Variants in RBMS1 observed in about 807,000 individuals in gnomAD.
RBMS1 encodes the protein RNA-binding motif, single-stranded-interacting protein 1.
A neutral mutation model predicts 62.3 loss-of-function variants in RBMS1; 17 were observed. The ratio of observed to expected loss-of-function variants is 0.27; its 90% CI spans 0.19 to 0.41. The LOEUF is 0.41. Among genes scored for constraint, RBMS1 ranks in the 10% least tolerant of loss-of-function variants. The pLI is 1.00. For synonymous variants in RBMS1, 172 were observed against 170.0 expected (o/e 1.01, Z -0.09); for missense variants, 334 against 504.5 (o/e 0.66, Z 3.24).
chr2:160,403,223 T>C (rs1487808262), intron 1 of RBMS1, among the ~76,000 whole-genome samples: 1 of 152,202 alleles, frequency 6.6e-6, no homozygotes, highest in Non-Finnish European at 1.5e-5. Flanking sequence ...AACATAAAAA[T>C]GGGCCAATAC....
At chr2:160,318,908 C>CAAGAATATAATGAAG (rs1356729103) in intron 2 of RBMS1, among the ~76,000 whole-genome samples, 12 of 151,988 alleles carry the variant, frequency 7.9e-5, no homozygotes, top group African/African-American at 2.9e-4. Context: ...AACGGACAAT[C>CAAGAATATAATGAAG]AAGAATATAA....
chr2:160,413,329 A>G (rs769841012), intron 1 of RBMS1, among the ~76,000 whole-genome samples: 15 of 151,524 alleles, frequency 9.9e-5, no homozygotes, highest in Non-Finnish European at 1.6e-4. Context: ...TCTGGCTCCC[A>G]GCAAAACAGG....
intron 1 of RBMS1, among the ~76,000 whole-genome samples, chr2:160,401,537 CA>C (rs752398025): frequency 1.3e-5 from 2 of 152,150 alleles, no homozygotes; most frequent in South Asian, 2.1e-4. Flanking sequence ...GCATTCTGTA[CA>C]GATGCGAGTT....
chr2:160,393,182 C>T (rs1379869301), intron 1 of RBMS1, among the ~76,000 whole-genome samples: 1 of 152,070 alleles, frequency 6.6e-6, no homozygotes, highest in East Asian at 1.9e-4. Context: ...TGTTTCTATA[C>T]AGGAAACAAA....
chr2:160,277,508 A>C, intron 11 of RBMS1, 125 bp from the exon 12 acceptor site: 1 of 660,178 alleles, frequency 1.5e-6, no homozygotes, highest in Non-Finnish European at 2.7e-6. Flanking sequence ...AATGGGCTAC[A>C]CCTCAAAGCT....
At chr2:160,373,946 G>A (rs1693863858) in intron 1 of RBMS1, among the ~76,000 whole-genome samples, 1 of 152,108 alleles carries the variant, frequency 6.6e-6, no homozygotes, top group Non-Finnish European at 1.5e-5. Flanking sequence ...CACAGAGGGG[G>A]TGGATGGCTG....
At chr2:160,282,027 G>A (rs1210113622) in intron 9 of RBMS1, 1 of 334,334 alleles carries the variant, frequency 3.0e-6, no homozygotes, top group African/African-American at 2.2e-5. Context: ...GTGAGAGTCA[G>A]GTTTTGTGGC....
chr2:160,354,655 T>C (rs908708574), intron 2 of RBMS1, among the ~76,000 whole-genome samples: 4 of 152,132 alleles, frequency 2.6e-5, no homozygotes, highest in African/African-American at 9.6e-5. Context: ...AATCTGGAAA[T>C]CTAAAGCTGT....
chr2:160,368,276 C>T (rs977855362), intron 1 of RBMS1, among the ~76,000 whole-genome samples: 5 of 152,190 alleles, frequency 3.3e-5, no homozygotes, highest in African/African-American at 1.2e-4. Context: ...AATTTCACAC[C>T]AGGACAGGGA....
rs191178799 is a variant in RBMS1 at position 160,311,315 on chromosome 2, C to G, written c.402+1841G>C. Among the ~76,000 whole-genome samples, 229 of 147,748 alleles carry G rather than the reference C, an allele frequency of 1.5e-3. 1 individual carries two copies. Among genetic ancestry groups the G allele is most frequent in the African/African-American group, 5.5e-3 (222 of 40,428 alleles). On this transcript the variant is annotated intron_variant, in intron 4 of 13. Coordinates refer to ENST00000348849, the MANE Select transcript of RBMS1 (RefSeq NM_016836.4). ...TTAAGAAAATCTAAAGTAAGTCCAA[C>G]TCAATGCAAAGTTTTAAAAATATTA...
At chr2:160,345,459 A>T (rs1692124915) in intron 2 of RBMS1, among the ~76,000 whole-genome samples, 2 of 152,132 alleles carry the variant, frequency 1.3e-5, no homozygotes, top group African/African-American at 4.8e-5. Context: ...GAGATTAGAA[A>T]TTCATATTCC....
intron 1 of RBMS1, among the ~76,000 whole-genome samples, chr2:160,386,440 G>A (rs1384999825): frequency 6.6e-6 from 1 of 152,070 alleles, no homozygotes; most frequent in Non-Finnish European, 1.5e-5. Flanking sequence ...GGAGGTTGAG[G>A]CAGGAGAATC....
chr2:160,424,517 T>C lies in RBMS1; in HGVS notation c.76-57126A>G, dbSNP rs550614608. Among the ~76,000 whole-genome samples, 71 of 152,366 alleles carry C rather than the reference T, an allele frequency of 4.7e-4. 1 individual carries two copies. Among genetic ancestry groups the C allele is most frequent in the African/African-American group, 1.7e-3 (70 of 41,594 alleles). On this transcript the variant is annotated intron_variant, in intron 1 of 13. Transcript: ENST00000348849. ...TACTCTCAAATGCATTTGGGACTGCTGGTCATTTCCAAAGTGCAGGGGAAT... is the reference window on the plus strand; with the variant it reads ...TACTCTCAAATGCATTTGGGACTGCCGGTCATTTCCAAAGTGCAGGGGAAT...
chr2:160,409,548 A>G (rs1443943884), intron 1 of RBMS1, among the ~76,000 whole-genome samples: 1 of 152,160 alleles, frequency 6.6e-6, no homozygotes, highest in African/African-American at 2.4e-5. Context: ...GCACAAGTAT[A>G]AAATAGAAAA....
At chr2:160,289,395 C>T (rs940659706) in intron 6 of RBMS1, among the ~76,000 whole-genome samples, 2 of 152,138 alleles carry the variant, frequency 1.3e-5, no homozygotes, top group Non-Finnish European at 2.9e-5. Flanking sequence ...AGAATTATAA[C>T]CAGTAAAAAT....
At chr2:160,459,765 T>A (rs1284844575) in intron 1 of RBMS1, among the ~76,000 whole-genome samples, 1 of 152,176 alleles carries the variant, frequency 6.6e-6, no homozygotes, top group Non-Finnish European at 1.5e-5. Flanking sequence ...ACACTAATAC[T>A]CCAAGCATAG....
At chr2:160,275,946 T>C (rs920503011) in intron 12 of RBMS1, among the ~76,000 whole-genome samples, 3 of 152,222 alleles carry the variant, frequency 2.0e-5, no homozygotes, top group African/African-American at 7.2e-5. Flanking sequence ...CTTATCAAGC[T>C]ACAGCATATC....
At chr2:160,319,069 C>T (rs911292637) in intron 2 of RBMS1, among the ~76,000 whole-genome samples, 1 of 152,090 alleles carries the variant, frequency 6.6e-6, no homozygotes, top group South Asian at 2.1e-4. Flanking sequence ...CTACTGAAAA[C>T]GAAGCGACAG....
In RBMS1 at chr2:160,323,624, A is replaced by AC. The variant is rs1211699816; in HGVS notation, c.252-5398_252-5397insG. Among the ~76,000 whole-genome samples the AC allele has an allele frequency of 1.1e-3, 164 of 150,852 alleles. 1 individual carries two copies. Among genetic ancestry groups the AC allele is most frequent in the African/African-American group, 1.7e-3 (68 of 41,060 alleles). The stretch of plus-strand genomic sequence containing the variant: ...GAATTTCATGAAAGAAAAAAAAAAA[A>AC]AAAAAAACTGTGACTATGAAGATTC... On this transcript the variant is annotated intron_variant, in intron 2 of 13. Coordinates refer to ENST00000348849, the MANE Select transcript of RBMS1 (RefSeq NM_016836.4).
Sources: allele counts gnomAD v4.1 joint callset (sites outside exome capture counted in the v4.1 genomes callset), GRCh38; gene constraint gnomAD v4.1.1; transcripts MANE v1.5; gene names NCBI Gene and HGNC (gene_info 2026-07-23, HGNC 2026-07-21).